Variants in HDAC9 observed in about 807,000 individuals in gnomAD.
The protein encoded by HDAC9 is histone deacetylase 9, also known as MEF-2 interacting transcription repressor (MITR) protein.
HDAC9 carries 41 observed loss-of-function variants against 139.4 expected under a neutral mutation model. The observed-to-expected ratio is 0.29, with a 90% CI of 0.23 to 0.38. HDAC9 has a LOEUF of 0.38. HDAC9 is among the 10% of genes least tolerant of loss of function. The pLI is 1.00. For missense variants in HDAC9, 1,147 were observed against 1,297.0 expected, an observed-to-expected ratio of 0.88 and a Z score of 1.78; for synonymous variants, 517 against 476.2, an observed-to-expected ratio of 1.09 and a Z score of -1.12.
chr7:18,244,059 G>T (rs1794363134), intron 2 of HDAC9, among the ~76,000 whole-genome samples: 2 of 152,220 alleles, frequency 1.3e-5, no homozygotes, highest in Admixed American at 1.3e-4. Flanking sequence ...AGCCCAGCAT[G>T]ACAGTAAGGC....
chr7:18,732,470 G>GTGTATATACA, intron 13 of HDAC9, among the ~76,000 whole-genome samples: 1 of 149,438 alleles, frequency 6.7e-6, no homozygotes, highest in South Asian at 2.1e-4. Context: ...TTGTATGTGT[G>GTGTATATACA]TATATACAGT....
At chr7:18,224,276 T>A (rs1432765440) in intron 2 of HDAC9, among the ~76,000 whole-genome samples, 1 of 152,218 alleles carries the variant, frequency 6.6e-6, no homozygotes, top group Non-Finnish European at 1.5e-5. Flanking sequence ...ATAATTTTAA[T>A]GTCTTGATGG....
chr7:18,358,508 A>C (rs1252310521), intron 1 of HDAC9, among the ~76,000 whole-genome samples: 1 of 152,214 alleles, frequency 6.6e-6, no homozygotes, highest in African/African-American at 2.4e-5. Flanking sequence ...ATTGATTTTA[A>C]AAGCTGAGGC....
At chr7:18,753,202 T>C (rs1241365312) in intron 14 of HDAC9, among the ~76,000 whole-genome samples, 1 of 152,094 alleles carries the variant, frequency 6.6e-6, no homozygotes, top group Admixed American at 6.6e-5. Context: ...AATACACAAT[T>C]ACAAATTTCA....
intron 21 of HDAC9, among the ~76,000 whole-genome samples, chr7:18,850,906 A>T (rs1357363284): frequency 2.6e-5 from 4 of 152,162 alleles, no homozygotes; most frequent in Non-Finnish European, 5.9e-5. Context: ...TTTCTTTCAC[A>T]AGGGCACTAA....
intron 1 of HDAC9, among the ~76,000 whole-genome samples, chr7:18,309,276 T>C (rs1418537203): frequency 9.2e-5 from 14 of 152,290 alleles, no homozygotes; most frequent in African/African-American, 3.1e-4. Flanking sequence ...TTCCAAAAAA[T>C]ATACCGTGCC....
chr7:18,895,154 T>C (rs1158457499), intron 22 of HDAC9, among the ~76,000 whole-genome samples: 2 of 152,070 alleles, frequency 1.3e-5, no homozygotes, highest in African/African-American at 4.8e-5. Flanking sequence ...CATATAACTT[T>C]AAAGTGAGAC....
chr7:18,670,745 A>G (rs148792081), intron 12 of HDAC9, among the ~76,000 whole-genome samples: 4 of 152,076 alleles, frequency 2.6e-5, no homozygotes, highest in Middle Eastern at 3.4e-3. Flanking sequence ...CGATATGCTT[A>G]CTTCTGTCCA....
At chr7:18,227,523 A>G (rs997955844) in intron 2 of HDAC9, among the ~76,000 whole-genome samples, 1 of 152,120 alleles carries the variant, frequency 6.6e-6, no homozygotes, top group African/African-American at 2.4e-5. Context: ...ATATACAACT[A>G]TTTAAAGGCT....
At chr7:18,270,893 A>G (rs1333267158) in intron 2 of HDAC9, among the ~76,000 whole-genome samples, 2 of 152,208 alleles carry the variant, frequency 1.3e-5, no homozygotes, top group Non-Finnish European at 2.9e-5. Context: ...AAAATAAATA[A>G]CAAGTTAACA....
At chr7:18,679,523 T>TC (rs1034551276) in intron 12 of HDAC9, among the ~76,000 whole-genome samples, 1 of 151,378 alleles carries the variant, frequency 6.6e-6, no homozygotes, top group Non-Finnish European at 1.5e-5. Context: ...TTCCTTTCTT[T>TC]CTTTCTTCCT....
intron 2 of HDAC9, among the ~76,000 whole-genome samples, chr7:18,528,689 C>T (rs773139840): frequency 1.3e-5 from 2 of 151,970 alleles, no homozygotes; most frequent in African/African-American, 2.4e-5. Flanking sequence ...TTTGTACTAA[C>T]AGTATTAATA....
intron 1 of HDAC9, among the ~76,000 whole-genome samples, chr7:18,304,067 G>A (rs999227447): frequency 9.2e-5 from 14 of 152,200 alleles, no homozygotes; most frequent in African/African-American, 3.4e-4. Context: ...GTTGACCTGG[G>A]CTCTGCCCAG....
intron 1 of HDAC9, among the ~76,000 whole-genome samples, chr7:18,412,112 G>T (rs1788622161): frequency 6.6e-6 from 1 of 152,098 alleles, no homozygotes; most frequent in Non-Finnish European, 1.5e-5. Flanking sequence ...ACAGGTGTGA[G>T]CCACTGCGCC....
At chr7:18,179,535 A>G (rs1366041882) in intron 2 of HDAC9, among the ~76,000 whole-genome samples, 1 of 151,900 alleles carries the variant, frequency 6.6e-6, no homozygotes, top group South Asian at 2.1e-4. Flanking sequence ...TTTTGCTTCT[A>G]CCTCTCTTAT....
chr7:18,610,578 C>T (rs1836850710), intron 6 of HDAC9, among the ~76,000 whole-genome samples: 1 of 152,150 alleles, frequency 6.6e-6, no homozygotes. Flanking sequence ...CTCAAATAAC[C>T]TGGACTAAGA....
rs764401754 is a variant in HDAC9 at position 18,762,122 on chromosome 7, G to C, written c.2044-35G>C. On this transcript the variant is annotated intron_variant, in intron 14 of 25. Coordinates refer to ENST00000686413, the MANE Select transcript of HDAC9 (RefSeq NM_178425.4). ...TCTCATTTTCTTCTAAATGTTGTCA[G>C]TGGTGTACTGTTGGCTTCTGCTATT... The C allele has an allele frequency of 6.8e-6, 11 of 1,612,364 alleles. No individual in the cohort carries two copies. The South Asian group carries it at 1.2e-4, about 18-fold the overall frequency.
intron 15 of HDAC9, 74 bp from the exon 16 acceptor site, chr7:18,767,029 GTGT>G: frequency 1.6e-6 from 1 of 629,602 alleles, no homozygotes; most frequent in African/African-American, 1.9e-5. Flanking sequence ...ATATTATTAT[GTGT>G]TAATAAATGC....
At chr7:18,437,127 C>A (rs572405847) in intron 1 of HDAC9, among the ~76,000 whole-genome samples, 15 of 152,124 alleles carry the variant, frequency 9.9e-5, no homozygotes, top group South Asian at 4.1e-4. Context: ...AATTTAACTT[C>A]ATTTGAAGCT....
Sources: allele counts gnomAD v4.1 joint callset (sites outside exome capture counted in the v4.1 genomes callset), GRCh38; gene constraint gnomAD v4.1.1; transcripts MANE v1.5; gene names NCBI Gene and HGNC (gene_info 2026-07-23, HGNC 2026-07-21).